DMD: variants seen among roughly 807,000 people sequenced by gnomAD.
DMD encodes dystrophin.
In DMD, 63 loss-of-function variants were observed where a neutral mutation model predicts 330.1. The observed-to-expected ratio is 0.19, with a 90% CI of 0.16 to 0.24. The LOEUF is 0.24. DMD is among the 10% of genes least tolerant of loss of function. DMD has a pLI of 1.00. For synonymous variants in DMD, 1,223 were observed against 959.8 expected (o/e 1.27, Z -5.07); for missense variants, 3,344 against 2,684.1 (o/e 1.25, Z -5.43).
intron 7 of DMD, among the ~76,000 whole-genome samples, chrX:32,716,707 G>A (rs192884354): frequency 7.4e-4 from 82 of 111,027 alleles, no homozygotes; most frequent in African/African-American, 2.5e-3. Context: ...CTAGAGACTT[G>A]AACTGCTTGG....
At chrX:32,792,095 C>A (rs2075861674) in intron 7 of DMD, among the ~76,000 whole-genome samples, 1 of 111,476 alleles carries the variant, frequency 9.0e-6, no homozygotes, top group Non-Finnish European at 1.9e-5. Flanking sequence ...ATTAAACTTG[C>A]TGAAAGAAAA....
At chrX:31,988,333 A>G (rs1409491147) in intron 44 of DMD, among the ~76,000 whole-genome samples, 4 of 107,091 alleles carry the variant, frequency 3.7e-5, no homozygotes, top group Non-Finnish European at 5.8e-5. Context: ...AATTACCCGG[A>G]CGTGGTGGCG....
At chrX:31,425,538 C>G (rs1035416722) in intron 60 of DMD, among the ~76,000 whole-genome samples, 1 of 111,589 alleles carries the variant, frequency 9.0e-6, no homozygotes, top group Non-Finnish European at 1.9e-5. Context: ...AAATTAAAAT[C>G]TGGTCTAAGC....
intron 11 of DMD, among the ~76,000 whole-genome samples, chrX:32,639,369 C>T (rs897869698): frequency 3.1e-4 from 34 of 110,620 alleles, no homozygotes; most frequent in African/African-American, 9.9e-4. Context: ...AAGTGTATTC[C>T]ACAGCATTAA....
At chrX:32,585,695 GTCTCAAAAAA>G (rs2054180732) in intron 13 of DMD, among the ~76,000 whole-genome samples, 4 of 25,595 alleles carry the variant, frequency 1.6e-4, no homozygotes, top group Non-Finnish European at 2.9e-4. Context: ...GCAGGACTCC[GTCTCAAAAAA>G]AAAAAAAAAA....
chrX:32,348,051 A>T (rs1414559886), intron 38 of DMD, among the ~76,000 whole-genome samples: 1 of 111,836 alleles, frequency 8.9e-6, no homozygotes, highest in Non-Finnish European at 1.9e-5. Flanking sequence ...AACATTGCTG[A>T]TACAAAATGT....
At chrX:32,313,651 C>T (rs1052151708) in intron 41 of DMD, among the ~76,000 whole-genome samples, 1 of 111,308 alleles carries the variant, frequency 9.0e-6, no homozygotes, top group African/African-American at 3.3e-5. Context: ...TTTAGAAAAC[C>T]CCATCGTCTC....
intron 74 of DMD, among the ~76,000 whole-genome samples, chrX:31,167,083 G>A (rs2039498356): frequency 9.0e-6 from 1 of 111,685 alleles, no homozygotes; most frequent in South Asian, 3.8e-4. Context: ...TCAAGTTAAG[G>A]CACATTCTGG....
intron 71 of DMD, among the ~76,000 whole-genome samples, chrX:31,176,000 C>T (rs1214096851): frequency 1.8e-5 from 2 of 111,225 alleles, no homozygotes; most frequent in African/African-American, 6.5e-5. Flanking sequence ...TTCTGTGATC[C>T]ATATCAAATG....
rs193197356 is a variant in DMD, at chrX:33,200,611, T to C, written c.31+10671A>G. On this transcript the variant is annotated intron_variant, in intron 1 of 78. Coordinates refer to ENST00000357033, the MANE Select transcript of DMD (RefSeq NM_004006.3). ...TCAGCATTGATTAAAATAAAATAAA[T>C]TCTAACAATTTCTTATTTTTATATA... Among the ~76,000 whole-genome samples, 20 of 111,569 alleles carry C rather than the reference T, an allele frequency of 1.8e-4. No homozygotes were observed. In the East Asian group the frequency reaches 5.6e-3, roughly 31 times the overall value.
At chrX:32,824,007 T>C (rs1426487909) in intron 4 of DMD, among the ~76,000 whole-genome samples, 3 of 112,001 alleles carry the variant, frequency 2.7e-5, no homozygotes, top group Non-Finnish European at 5.6e-5. Context: ...TATGAAAAGA[T>C]GTTCAATGTT....
At chrX:32,162,516 C>T (rs939676075) in intron 44 of DMD, among the ~76,000 whole-genome samples, 4 of 107,891 alleles carry the variant, frequency 3.7e-5, no homozygotes, top group Non-Finnish European at 7.6e-5. Context: ...CCAGAAACAT[C>T]GTAGTCAAAG....
chrX:32,342,702 G>C, intron 40 of DMD: 1 of 265,882 alleles, frequency 3.8e-6, no homozygotes, highest in Non-Finnish European at 6.8e-6. Flanking sequence ...AAAATAAAAA[G>C]TGTAAAATAA....
rs2095368686 is a variant in DMD at position 31,968,281 on chromosome X, A to C, written c.6614+58T>G. On this transcript the variant is annotated intron_variant, in intron 45 of 78. Coordinates refer to ENST00000357033, the MANE Select transcript of DMD (RefSeq NM_004006.3). ...TAATCTCTCATGAAATATTCTTCTAAAGAAAGCTTAAAAAGTCTGCTAAAA... is the reference window on the plus strand; with the variant it reads ...TAATCTCTCATGAAATATTCTTCTACAGAAAGCTTAAAAAGTCTGCTAAAA... 1.9e-5 allele frequency: 22 copies of C among 1,168,679 alleles called. No individual in the cohort carries two copies. In the Admixed American group the frequency reaches 4.8e-4, roughly 26 times the overall value.
intron 7 of DMD, among the ~76,000 whole-genome samples, chrX:32,802,943 C>G (rs1299495015): frequency 9.0e-6 from 1 of 111,443 alleles, no homozygotes; most frequent in African/African-American, 3.3e-5. Context: ...TTTATTGTGT[C>G]TCTGCCAGGT....
At chrX:32,841,256 A>G (rs2080132539) in intron 4 of DMD, among the ~76,000 whole-genome samples, 1 of 111,998 alleles carries the variant, frequency 8.9e-6, no homozygotes, top group South Asian at 3.7e-4. Context: ...AAAATCAAGA[A>G]AAACAGAAGA....
At chrX:32,030,435 T>C (rs1360353951) in intron 44 of DMD, among the ~76,000 whole-genome samples, 2 of 112,328 alleles carry the variant, frequency 1.8e-5, no homozygotes, top group African/African-American at 6.5e-5. Context: ...TTGTGGAGTC[T>C]GTGAAGGAAA....
At chrX:32,723,990 A>G (rs1018211387) in intron 7 of DMD, among the ~76,000 whole-genome samples, 1 of 111,941 alleles carries the variant, frequency 8.9e-6, no homozygotes. Context: ...TGTGAGTTGG[A>G]CAAGGTTGCC....
chrX:32,715,515 G>T (rs1175111457), intron 7 of DMD, among the ~76,000 whole-genome samples: 1 of 105,184 alleles, frequency 9.5e-6, no homozygotes, highest in Non-Finnish European at 1.9e-5. Context: ...GACCAGGTGT[G>T]GTGGCTTATG....
Sources: allele counts gnomAD v4.1 joint callset (sites outside exome capture counted in the v4.1 genomes callset), GRCh38; gene constraint gnomAD v4.1.1; transcripts MANE v1.5; gene names NCBI Gene and HGNC (gene_info 2026-07-23, HGNC 2026-07-21).